Variants in PCDHGA3 observed in about 807,000 individuals in gnomAD.
PCDHGA3 encodes protocadherin gamma-A3.
In PCDHGA3, 40 loss-of-function variants were observed where a neutral mutation model predicts 58.5. That is an observed-to-expected ratio of 0.68 (90% CI 0.53 to 0.89). The LOEUF is 0.89. Ranked by LOEUF, PCDHGA3 falls within the 40% of genes least tolerant of loss-of-function variation. PCDHGA3 has a pLI of 0.00. For missense variants in PCDHGA3, 1,223 were observed against 1,195.9 expected, an observed-to-expected ratio of 1.02 and a Z score of -0.33; for synonymous variants, 530 against 525.7, an observed-to-expected ratio of 1.01 and a Z score of -0.11.
rs1561685937 is a variant in PCDHGA3 at position 141,403,112 on chromosome 5, C to T, written c.2424+56655C>T. On this transcript the variant is annotated intron_variant, in intron 1 of 3. Coordinates refer to ENST00000253812, the MANE Select transcript of PCDHGA3 (RefSeq NM_018916.4). ...GGGCAACATCTCCAAGGACCTGGCT[C>T]TGGAGCCCCGGGAGCTGGCGGAGCG... 5.6e-6 allele frequency: 9 copies of T among 1,614,074 alleles called. No individual in the cohort carries two copies. In the East Asian group the frequency reaches 2.0e-4, roughly 36 times the overall value.
chr5:141,379,723 G>A (rs1250250274), intron 1 of PCDHGA3: 1 of 152,038 alleles, frequency 6.6e-6, no homozygotes, highest in Non-Finnish European at 1.5e-5. Context: ...CATGGAATTT[G>A]CTAAGTTATG....
At chr5:141,389,266 A>C in intron 1 of PCDHGA3, 1 of 1,614,022 alleles carries the variant, frequency 6.2e-7, no homozygotes, top group Non-Finnish European at 8.5e-7. Flanking sequence ...CACGTGGCCG[A>C]GAACAACCCG....
chr5:141,491,855 G>A lies in PCDHGA3; in HGVS notation c.2425-2952G>A. ...TTCTCGGGATCATTGGACCGTTTGC[G>A]CGAAACCAGAGTGGCCGATTAAGGG... On this transcript the variant is annotated intron_variant, in intron 1 of 3. Coordinates refer to ENST00000253812, the MANE Select transcript of PCDHGA3 (RefSeq NM_018916.4). The surrounding 1 kb of genome is among the most constrained non-coding windows in gnomAD (Gnocchi z 6.9). The A allele has an allele frequency of 2.7e-6, 4 of 1,459,380 alleles. No individual in the cohort carries two copies. The highest frequency in any genetic ancestry group is 3.6e-6 in the Non-Finnish European group (4 of 1,103,492). The allele number at this position is 1,459,380 out of a possible 1,614,324, so 90.4% of individuals were successfully genotyped here. A position where few individuals can be genotyped will look rare whatever the true frequency, so the allele number is the denominator to read the frequency against.
rs368925514 is a variant in PCDHGA3, at chr5:141,352,224, C to A, written c.2424+5767C>A. The A allele has an allele frequency of 2.0e-4, 321 of 1,613,974 alleles. No homozygotes were observed. Among genetic ancestry groups the A allele is most frequent in the Non-Finnish European group, 2.7e-4 (316 of 1,179,916 alleles). ...CAGCCGCCACTCTCCGCCACCGCCA[C>A]GCTGCACCTAATCTTCGCGGATAGC... On this transcript the variant is annotated intron_variant, in intron 1 of 3. Coordinates refer to ENST00000253812, the MANE Select transcript of PCDHGA3 (RefSeq NM_018916.4).
At chr5:141,483,361 A>G (rs752805137) in intron 1 of PCDHGA3, among the ~76,000 whole-genome samples, 1 of 152,102 alleles carries the variant, frequency 6.6e-6, no homozygotes, top group South Asian at 2.1e-4. Context: ...TTTGAAAGCT[A>G]TTGCAATATT....
At chr5:141,365,872 G>A (rs1172437111) in intron 1 of PCDHGA3, 1 of 1,614,088 alleles carries the variant, frequency 6.2e-7, no homozygotes, top group African/African-American at 1.3e-5. Flanking sequence ...CCGGTGTCCT[G>A]TATGCTCTGA....
intron 1 of PCDHGA3, among the ~76,000 whole-genome samples, chr5:141,445,490 C>T (rs1181158971): frequency 6.6e-6 from 1 of 152,134 alleles, no homozygotes; most frequent in Non-Finnish European, 1.5e-5. Flanking sequence ...AGTTAATGGG[C>T]CCTATTCTAA....
In PCDHGA3 at chr5:141,432,012, A is replaced by G. The variant is rs756906117; in HGVS notation, c.2425-62795A>G. ...TTGGATAGGGAACAGGTTCCTAGCT[A>G]CAACATCACAGTGACCGCCACTGAC... On this transcript the variant is annotated intron_variant, in intron 1 of 3. Transcript: ENST00000253812. The surrounding 1 kb of genome is among the most constrained non-coding windows in gnomAD (Gnocchi z 6.0). The G allele has an allele frequency of 1.1e-5, 18 of 1,614,056 alleles. No homozygotes were observed. The highest frequency in any genetic ancestry group is 1.3e-5 in the Non-Finnish European group (15 of 1,180,008).
chr5:141,478,624 T>C (rs1300260980), intron 1 of PCDHGA3: 3 of 1,554,196 alleles, frequency 1.9e-6, no homozygotes, highest in Non-Finnish European at 2.6e-6. Context: ...AATGGAGCTG[T>C]TTTTTTAGTG....
At chr5:141,419,724 G>T in intron 1 of PCDHGA3, 1 of 1,613,488 alleles carries the variant, frequency 6.2e-7, no homozygotes, top group Non-Finnish European at 8.5e-7. Flanking sequence ...CTGGGGCTGC[G>T]AACAGGCGAG....
rs753473913 is a variant in PCDHGA3 at position 141,503,323 on chromosome 5, G to A, written c.2484-2070G>A. On this transcript the variant is annotated intron_variant, in intron 2 of 3. Transcript: ENST00000253812. The stretch of plus-strand genomic sequence containing the variant: ...CTCAAGAAAGAATTGTTGGAGGGGC[G>A]CGGTGGCTCACGCCTGTAATTCCAG... Among the ~76,000 whole-genome samples the A allele has an allele frequency of 2.0e-5, 3 of 152,214 alleles. No individual in the cohort carries two copies. In the Middle Eastern group the frequency reaches 0.01, roughly 518 times the overall value.
intron 1 of PCDHGA3, among the ~76,000 whole-genome samples, chr5:141,362,829 T>A (rs1211697961): frequency 6.6e-6 from 1 of 152,260 alleles, no homozygotes. Flanking sequence ...GATTTGTTGC[T>A]ATTGAGACTT....
intron 1 of PCDHGA3, among the ~76,000 whole-genome samples, chr5:141,463,087 C>T (rs971667191): frequency 6.6e-6 from 1 of 152,120 alleles, no homozygotes; most frequent in Non-Finnish European, 1.5e-5. Context: ...CATTTTCCAG[C>T]CCTATGTGAC....
At chr5:141,502,309 T>G (rs1395136136) in intron 2 of PCDHGA3, among the ~76,000 whole-genome samples, 2 of 152,196 alleles carry the variant, frequency 1.3e-5, no homozygotes, top group Admixed American at 6.5e-5. Flanking sequence ...TTTCCTCTCC[T>G]TTAATCTGGA....
chr5:141,366,383 G>A, intron 1 of PCDHGA3: 1 of 1,614,130 alleles, frequency 6.2e-7, no homozygotes, highest in Non-Finnish European at 8.5e-7. Flanking sequence ...CATTGACCCT[G>A]AGGATCTGGA....
At position 141,344,750 on chromosome 5, in the gene PCDHGA3, A is replaced by G. The variant is rs1182419030; in HGVS notation, c.717A>G (p.Pro239=). ...TAGTCCTGGATGCAAATGACAACCC[A>G]CCAATGTTTACTCAGCCTGAGTACC... ...QVIVLDANDN[P]PMFTQPEYRV... The change falls in exon 1 of 4, where the codon CCA becomes CCG. Residue 239 remains proline (P), a synonymous_variant. Coordinates refer to ENST00000253812, the MANE Select transcript of PCDHGA3 (RefSeq NM_018916.4). 3 of 1,613,744 alleles carry G rather than the reference A, an allele frequency of 1.9e-6. No individual in the cohort carries two copies. The East Asian group carries it at 6.7e-5, about 36-fold the overall frequency.
intron 1 of PCDHGA3, chr5:141,371,024 G>T: frequency 2.5e-6 from 4 of 1,614,004 alleles, no homozygotes; most frequent in Non-Finnish European, 3.4e-6. Flanking sequence ...ATCACCACCT[G>T]GTCCTCACAG....
chr5:141,413,036 T>TGGGCTGCA, intron 1 of PCDHGA3: 1 of 805,900 alleles, frequency 1.2e-6, no homozygotes, highest in Non-Finnish European at 1.9e-6. Flanking sequence ...AACCGGCTGC[T>TGGGCTGCA]GGGCTGCAGG....
intron 1 of PCDHGA3, chr5:141,350,969 C>A: frequency 6.2e-7 from 1 of 1,614,098 alleles, no homozygotes; most frequent in South Asian, 1.1e-5. Context: ...TGATAATGCT[C>A]CCGTGTTTAG....
Sources: gnomAD v4.1 joint callset for allele counts (sites outside exome capture counted in the v4.1 genomes callset) on GRCh38, gnomAD v4.1.1 for gene constraint, Gnocchi (gnomAD v3.1) non-coding constraint, MANE v1.5 for transcripts, NCBI Gene and HGNC (gene_info 2026-07-23, HGNC 2026-07-21) for gene names.